The following CD226 variants were observed in gnomAD, a reference collection of about 807,000 sequenced individuals.
CD226 encodes the protein CD226 antigen.
Under a neutral mutation model 34.9 loss-of-function variants are expected in CD226, and 24 were observed. That is an observed-to-expected ratio of 0.69 (90% CI 0.50 to 0.97). The LOEUF is 0.97. Ranked by LOEUF, CD226 falls within the 50% of genes least tolerant of loss-of-function variation. The probability of loss-of-function intolerance (pLI) is 0.00; values close to 1 mark genes in which losing one functional copy is unlikely to be tolerated. For missense variants in CD226, 397 were observed against 412.7 expected (o/e 0.96, Z 0.33); for synonymous variants, 148 against 147.4 (o/e 1.00, Z -0.03).
At chr18:69,917,741 A>T (rs2055403060) in intron 2 of CD226, among the ~76,000 whole-genome samples, 1 of 152,218 alleles carries the variant, frequency 6.6e-6, no homozygotes, top group Non-Finnish European at 1.5e-5. Context: ...ATGTGTATAA[A>T]TATATCTTTA....
chr18:69,880,357 A>AAAGGAAGGAAGGAAGGAAGG (rs74177539), intron 3 of CD226, among the ~76,000 whole-genome samples: 4 of 89,532 alleles, frequency 4.5e-5, no homozygotes, highest in Admixed American at 4.1e-4. Context: ...AGAAAGAAAG[A>AAAGGAAGGAAGGAAGGAAGG]AAGGAAGGAA....
intron 3 of CD226, among the ~76,000 whole-genome samples, chr18:69,877,136 T>C (rs901438408): frequency 1.3e-5 from 2 of 152,008 alleles, no homozygotes; most frequent in African/African-American, 2.4e-5. Flanking sequence ...AGTGCTGGGA[T>C]TGCAGGCGTG....
chr18:69,953,724 G>A (rs1179008946), intron 1 of CD226, among the ~76,000 whole-genome samples: 1 of 152,166 alleles, frequency 6.6e-6, no homozygotes, highest in Non-Finnish European at 1.5e-5. Flanking sequence ...TCTTGACCTG[G>A]TGTGGTGGCT....
chr18:69,905,236 C>A (rs61585974), intron 2 of CD226, among the ~76,000 whole-genome samples: 1,644 of 151,906 alleles, frequency 0.011, 31 homozygotes, highest in African/African-American at 0.034. Context: ...GCAACATCAG[C>A]TCCAAGGATG....
At chr18:69,950,971 T>TGTG (rs2055848053), upstream of CD226, among the ~76,000 whole-genome samples, 10 of 132,606 alleles carry the variant, frequency 7.5e-5, no homozygotes, top group African/African-American at 2.9e-4. Flanking sequence ...AACTATGATT[T>TGTG]TGTGTGTGTG....
Position 69,902,196 on chromosome 18 carries a change from T to G in CD226, c.383-6151A>C, listed in dbSNP as rs1408814520. On this transcript the variant is annotated intron_variant, in intron 2 of 5. Transcript: ENST00000582621. ...TGTATCTTTAACCTCCAATTCTAAG[T>G]GGACTGTTCTCTCTCTCACCTCTAA... is the stretch of plus-strand genomic sequence containing the variant. Among the ~76,000 whole-genome samples, 3 of 152,174 alleles carry G rather than the reference T, an allele frequency of 2.0e-5. 1 individual carries two copies. The highest frequency in any genetic ancestry group is 2.9e-5 in the Non-Finnish European group (2 of 68,038).
chr18:69,891,230 C>T (rs562780555), intron 3 of CD226, among the ~76,000 whole-genome samples: 4 of 151,858 alleles, frequency 2.6e-5, no homozygotes, highest in African/African-American at 7.2e-5. Flanking sequence ...AAAAAGGCCA[C>T]ATGATCATCA....
intron 2 of CD226, among the ~76,000 whole-genome samples, chr18:69,916,159 G>C (rs989180456): frequency 1.3e-5 from 2 of 152,182 alleles, no homozygotes; most frequent in Admixed American, 1.3e-4. Context: ...TCAGCAACCA[G>C]AGATAACCAC....
intron 3 of CD226, among the ~76,000 whole-genome samples, chr18:69,885,723 C>T (rs1239950023): frequency 6.6e-6 from 1 of 152,086 alleles, no homozygotes; most frequent in Non-Finnish European, 1.5e-5. Context: ...GCAACCAGCA[C>T]CTCCCCTCCA....
upstream of CD226, among the ~76,000 whole-genome samples, chr18:69,950,971 TTGTGTGTGTG>T (rs57098005): frequency 3.6e-3 from 473 of 132,710 alleles, 3 homozygotes; most frequent in African/African-American, 0.011. Flanking sequence ...AACTATGATT[TTGTGTGTGTG>T]TGTGTGTGTG....
intron 2 of CD226, among the ~76,000 whole-genome samples, chr18:69,931,306 A>G (rs1374223337): frequency 6.6e-6 from 1 of 152,062 alleles, no homozygotes; most frequent in African/African-American, 2.4e-5. Context: ...TGGGTGCAGC[A>G]CACCAACATG....
chr18:69,872,702 A>C (rs949862944), intron 4 of CD226, among the ~76,000 whole-genome samples: 20 of 152,202 alleles, frequency 1.3e-4, no homozygotes, highest in Admixed American at 1.3e-3. Context: ...CTGTTTGCTT[A>C]TTGGGATGTG....
intron 2 of CD226, among the ~76,000 whole-genome samples, chr18:69,939,360 C>G (rs2055694943): frequency 6.6e-6 from 1 of 152,122 alleles, no homozygotes; most frequent in African/African-American, 2.4e-5. Context: ...CCTAGTTTAC[C>G]TATTTTTTTT....
intron 2 of CD226, among the ~76,000 whole-genome samples, chr18:69,899,440 T>C (rs1170843488): frequency 6.6e-6 from 1 of 152,228 alleles, no homozygotes. Context: ...CCTAGAACCA[T>C]GCTTGGCATA....
chr18:69,901,494 C>T (rs530577873), intron 2 of CD226, among the ~76,000 whole-genome samples: 2 of 152,214 alleles, frequency 1.3e-5, no homozygotes, highest in African/African-American at 2.4e-5. Context: ...ACTTGATAGT[C>T]GGCGAAGCTA....
chr18:69,904,467 G>A (rs555531459), intron 2 of CD226, among the ~76,000 whole-genome samples: 13 of 152,206 alleles, frequency 8.5e-5, no homozygotes, highest in African/African-American at 2.2e-4. Flanking sequence ...GGGCAGCTCC[G>A]TGGAGCTCCA....
upstream of CD226, among the ~76,000 whole-genome samples, chr18:69,959,968 T>C (rs1337745715): frequency 2.6e-5 from 4 of 152,164 alleles, no homozygotes; most frequent in Non-Finnish European, 5.9e-5. Context: ...AGGCAATGGC[T>C]GGGCACGGTG....
rs1358207428 is a variant in CD226, at chr18:69,862,319, G to C, written c.*1995C>G. ...TTTTCCAGAAAGTAATATTTTGATTGTCTTTACCATTCAGAAAAGAAATTA... is the reference window on the plus strand; with the variant it reads ...TTTTCCAGAAAGTAATATTTTGATTCTCTTTACCATTCAGAAAAGAAATTA... On this transcript the variant is annotated 3_prime_UTR_variant, in exon 6 of 6. Transcript: ENST00000582621. The C allele has an allele frequency of 6.6e-6, 1 of 152,114 alleles. No individual in the cohort carries two copies. Among genetic ancestry groups the C allele is most frequent in the African/African-American group, 2.4e-5 (1 of 41,456 alleles). The allele number at this position is 152,114 out of a possible 1,614,324, so 9.4% of individuals were successfully genotyped here.
chr18:69,868,081 T>C (rs1216372973), intron 4 of CD226, among the ~76,000 whole-genome samples: 2 of 152,042 alleles, frequency 1.3e-5, no homozygotes, highest in Non-Finnish European at 2.9e-5. Flanking sequence ...CAGTATTCAA[T>C]AAACGCTCCA....
Sources: gnomAD v4.1 joint callset for allele counts (sites outside exome capture counted in the v4.1 genomes callset) on GRCh38, gnomAD v4.1.1 for gene constraint, MANE v1.5 for transcripts, NCBI Gene and HGNC (gene_info 2026-07-23, HGNC 2026-07-21) for gene names.